Variants in LINGO1 observed in about 807,000 individuals in gnomAD.
LINGO1 encodes leucine rich repeat and Ig domain containing 1, also known as leucine-rich repeat and immunoglobulin-like domain-containing nogo receptor-interacting protein 1.
A neutral mutation model predicts 37.3 loss-of-function variants in LINGO1; 11 were observed. The ratio of observed to expected loss-of-function variants is 0.29; its 90% CI spans 0.19 to 0.49. The LOEUF (loss-of-function observed/expected upper bound fraction) is 0.49. Among genes scored for constraint, LINGO1 ranks in the 20% least tolerant of loss-of-function variants. The pLI is 0.99. For synonymous variants in LINGO1, 387 were observed against 403.0 expected, an observed-to-expected ratio of 0.96 and a Z score of 0.48; for missense variants, 585 against 878.2, an observed-to-expected ratio of 0.67 and a Z score of 4.22.
In LINGO1 at chr15:77,663,499, G is replaced by A. The variant is rs2075044278; in HGVS notation, c.-13+13590C>T. 2.6e-5 allele frequency among the ~76,000 whole-genome samples: 4 copies of A among 152,188 alleles called. No individual in the cohort carries two copies. In the South Asian group the frequency reaches 8.3e-4, roughly 32 times the overall value. On this transcript the variant is annotated intron_variant, in intron 3 of 3. Transcript: ENST00000559893. ...TCTAGGGGACCCGTTTAACCACTCAGGGCTTTAGCTAAATCCCCACCCAAG... is the reference window on the plus strand; with the variant it reads ...TCTAGGGGACCCGTTTAACCACTCAAGGCTTTAGCTAAATCCCCACCCAAG...
At chr15:77,686,236 C>A (rs955019366) in intron 2 of LINGO1, among the ~76,000 whole-genome samples, 1 of 152,196 alleles carries the variant, frequency 6.6e-6, no homozygotes, top group Non-Finnish European at 1.5e-5. Context: ...TCCCCCTGCT[C>A]CGAGAACCTC....
intron 1 of LINGO1, among the ~76,000 whole-genome samples, chr15:77,766,316 A>AC (rs1362285174): frequency 2.3e-4 from 33 of 146,496 alleles, no homozygotes; most frequent in African/African-American, 4.9e-4. Context: ...AAAAAAAAAA[A>AC]ACACACAAAC....
At chr15:77,677,676 C>T (rs1038683720) in intron 2 of LINGO1, among the ~76,000 whole-genome samples, 9 of 152,160 alleles carry the variant, frequency 5.9e-5, no homozygotes, top group Admixed American at 5.2e-4. Flanking sequence ...AGCTCTCCCG[C>T]CTCAGCCTGT....
intron 1 of LINGO1, among the ~76,000 whole-genome samples, chr15:77,771,745 C>G (rs553531934): frequency 1.5e-4 from 23 of 152,266 alleles, no homozygotes; most frequent in East Asian, 3.9e-4. Flanking sequence ...TTGGCCACCC[C>G]CCGCCTACAT....
chr15:77,688,624 T>C (rs1180251243), intron 2 of LINGO1, among the ~76,000 whole-genome samples: 1 of 152,172 alleles, frequency 6.6e-6, no homozygotes, highest in Non-Finnish European at 1.5e-5. Context: ...AGCAAGGGCC[T>C]AGCATTTGGC....
intron 1 of LINGO1, among the ~76,000 whole-genome samples, chr15:77,774,784 T>C (rs1183140760): frequency 6.7e-6 from 1 of 149,690 alleles, no homozygotes; most frequent in African/African-American, 2.6e-5. Context: ...CTGACCCTGG[T>C]CATGAGGTCA....
chr15:77,783,956 C>T (rs556436843), intron 1 of LINGO1, among the ~76,000 whole-genome samples: 17 of 152,348 alleles, frequency 1.1e-4, no homozygotes, highest in Non-Finnish European at 2.4e-4. Flanking sequence ...CTCGCCTTTC[C>T]TCCAGGTTTG....
intron 2 of LINGO1, among the ~76,000 whole-genome samples, chr15:77,711,623 G>A (rs530384723): frequency 1.3e-5 from 2 of 152,340 alleles, no homozygotes; most frequent in East Asian, 1.9e-4. Context: ...GGGTTAGCCC[G>A]AGGATTCACA....
intron 1 of LINGO1, among the ~76,000 whole-genome samples, chr15:77,762,498 C>T (rs1355255012): frequency 6.6e-6 from 1 of 152,098 alleles, no homozygotes; most frequent in African/African-American, 2.4e-5. Context: ...CTAAGAGGAG[C>T]AGATACCTGC....
intron 1 of LINGO1, among the ~76,000 whole-genome samples, chr15:77,768,979 G>T (rs1368238785): frequency 6.6e-6 from 1 of 152,224 alleles, no homozygotes; most frequent in South Asian, 2.1e-4. Context: ...CCCCTCCATA[G>T]AACCCTGCTG....
chr15:77,766,438 G>A (rs60776291), intron 1 of LINGO1, among the ~76,000 whole-genome samples: 2 of 148,564 alleles, frequency 1.3e-5, no homozygotes, highest in African/African-American at 5.0e-5. Flanking sequence ...CCATGAATAA[G>A]AACTGATTGC....
At chr15:77,664,156 T>C (rs1342578746) in intron 3 of LINGO1, among the ~76,000 whole-genome samples, 13 of 132,872 alleles carry the variant, frequency 9.8e-5, no homozygotes, top group South Asian at 2.2e-4. Flanking sequence ...TGTGTGTGTG[T>C]GTGTGTGTGT....
chr15:77,737,540 T>C (rs939557458), intron 1 of LINGO1, among the ~76,000 whole-genome samples: 3 of 152,086 alleles, frequency 2.0e-5, no homozygotes, highest in African/African-American at 7.2e-5. Flanking sequence ...TGCTTCCCTT[T>C]AATAGCAAAA....
At chr15:77,666,283 C>T (rs533421216) in intron 3 of LINGO1, among the ~76,000 whole-genome samples, 5 of 152,334 alleles carry the variant, frequency 3.3e-5, no homozygotes, top group East Asian at 3.9e-4. Flanking sequence ...GTCAGAGGCT[C>T]GCCTCTCATT....
At chr15:77,718,991 T>C (rs984159900) in intron 2 of LINGO1, among the ~76,000 whole-genome samples, 2 of 150,450 alleles carry the variant, frequency 1.3e-5, no homozygotes, top group African/African-American at 4.8e-5. Flanking sequence ...AAGGCCTCAG[T>C]CTGTGTCTGG....
intron 2 of LINGO1, among the ~76,000 whole-genome samples, chr15:77,705,394 T>A (rs1249162233): frequency 6.6e-6 from 1 of 152,120 alleles, no homozygotes; most frequent in Admixed American, 6.5e-5. Context: ...GGGCTCACTG[T>A]CCAAGGGGAG....
At chr15:77,766,378 A>G (rs948490830) in intron 1 of LINGO1, among the ~76,000 whole-genome samples, 14 of 129,484 alleles carry the variant, frequency 1.1e-4, no homozygotes, top group African/African-American at 3.5e-4. Flanking sequence ...AAGGAACTCA[A>G]AAAAAAAAAA....
At chr15:77,634,487 A>G, upstream of LINGO1, 2 of 372,316 alleles carry the variant, frequency 5.4e-6, no homozygotes, top group Admixed American at 3.2e-5. Flanking sequence ...GGGAGGCACT[A>G]TTGTTCCCCT....
In LINGO1 at chr15:77,646,896, C is replaced by A. The variant is rs1026104400; in HGVS notation, c.-13+30193G>T. Among the ~76,000 whole-genome samples the A allele has an allele frequency of 3.3e-5, 5 of 152,294 alleles. No individual in the cohort carries two copies. The East Asian group carries it at 7.7e-4, about 24-fold the overall frequency. ...CACCAGGGCCGGCCTAGAATCTAGGCATTTACTCATTTCATACTCTCAATG... is the reference window on the plus strand; with the variant it reads ...CACCAGGGCCGGCCTAGAATCTAGGAATTTACTCATTTCATACTCTCAATG... On this transcript the variant is annotated intron_variant, in intron 3 of 3. Transcript: ENST00000559893.
Sources: gnomAD v4.1 joint callset for allele counts (sites outside exome capture counted in the v4.1 genomes callset) on GRCh38, gnomAD v4.1.1 for gene constraint, MANE v1.5 for transcripts, NCBI Gene and HGNC (gene_info 2026-07-23, HGNC 2026-07-21) for gene names.